CCDC91: variants seen among roughly 807,000 people sequenced by gnomAD.
The protein encoded by CCDC91 is coiled-coil domain containing 91.
A neutral mutation model predicts 63.2 loss-of-function variants in CCDC91; 48 were observed. The observed-to-expected ratio is 0.76, with a 90% CI of 0.60 to 0.97. CCDC91 has a LOEUF of 0.97. Ranked by LOEUF, CCDC91 falls within the 50% of genes least tolerant of loss-of-function variation. The pLI is 0.00. For synonymous variants in CCDC91, 167 were observed against 165.8 expected (o/e 1.01, Z -0.06); for missense variants, 500 against 494.6 (o/e 1.01, Z -0.10).
intron 3 of CCDC91, among the ~76,000 whole-genome samples, chr12:28,286,951 T>A (rs1369862856): frequency 6.6e-6 from 1 of 152,182 alleles, no homozygotes; most frequent in African/African-American, 2.4e-5. Context: ...TGATTTGCAT[T>A]TCTCTAGTGA....
At chr12:28,268,107 A>G (rs1226782127) in intron 3 of CCDC91, among the ~76,000 whole-genome samples, 1 of 150,232 alleles carries the variant, frequency 6.7e-6, no homozygotes, top group East Asian at 1.9e-4. Flanking sequence ...TCTGTTGCCC[A>G]GGCTGCAGTG....
intron 6 of CCDC91, among the ~76,000 whole-genome samples, chr12:28,332,940 C>T (rs1565811317): frequency 6.6e-6 from 1 of 151,854 alleles, no homozygotes; most frequent in Non-Finnish European, 1.5e-5. Context: ...CCATTTTAAA[C>T]AGTGAAATCA....
intron 12 of CCDC91, among the ~76,000 whole-genome samples, chr12:28,486,004 G>C (rs1242058599): frequency 6.6e-6 from 1 of 152,074 alleles, no homozygotes; most frequent in Non-Finnish European, 1.5e-5. Flanking sequence ...CTTAACATGA[G>C]TTCTTCCTCT....
chr12:28,420,930 T>G (rs566849981), intron 8 of CCDC91, among the ~76,000 whole-genome samples: 12 of 152,296 alleles, frequency 7.9e-5, no homozygotes, highest in African/African-American at 2.9e-4. Context: ...GAACTTAGTT[T>G]ATTCATGTAT....
At chr12:28,415,461 C>G (rs1947592150) in intron 8 of CCDC91, among the ~76,000 whole-genome samples, 2 of 151,960 alleles carry the variant, frequency 1.3e-5, no homozygotes, top group African/African-American at 4.8e-5. Context: ...CTCAGGTGAT[C>G]CGCCTGCCTC....
At chr12:28,362,970 C>G (rs1041742637) in intron 7 of CCDC91, among the ~76,000 whole-genome samples, 14 of 151,932 alleles carry the variant, frequency 9.2e-5, no homozygotes, top group African/African-American at 3.4e-4. Flanking sequence ...TACAGTAAAA[C>G]ATTAATATTT....
intron 8 of CCDC91, among the ~76,000 whole-genome samples, chr12:28,436,788 C>G (rs1948932183): frequency 6.6e-6 from 1 of 151,746 alleles, no homozygotes. Flanking sequence ...TACTATGTAT[C>G]TCAGCATAGA....
intron 1 of CCDC91, among the ~76,000 whole-genome samples, chr12:28,232,957 A>G (rs553698324): frequency 1.4e-4 from 21 of 148,748 alleles, no homozygotes; most frequent in African/African-American, 4.5e-4. Context: ...TGGGCAACAG[A>G]GCAAGACTCT....
At chr12:28,438,421 A>T (rs1039098644) in intron 8 of CCDC91, among the ~76,000 whole-genome samples, 2 of 152,154 alleles carry the variant, frequency 1.3e-5, no homozygotes, top group African/African-American at 4.8e-5. Flanking sequence ...TCCTCACCAG[A>T]TACAGAACCT....
At chr12:28,431,093 G>T (rs1250075120) in intron 8 of CCDC91, among the ~76,000 whole-genome samples, 1 of 152,026 alleles carries the variant, frequency 6.6e-6, no homozygotes, top group African/African-American at 2.4e-5. Context: ...TGTGTTCAGA[G>T]AATTATATAT....
intron 1 of CCDC91, among the ~76,000 whole-genome samples, chr12:28,214,200 A>G (rs1943415663): frequency 1.3e-5 from 2 of 152,162 alleles, no homozygotes; most frequent in Non-Finnish European, 1.5e-5. Flanking sequence ...TGGACTCCTC[A>G]TATCTCTGAA....
intron 12 of CCDC91, among the ~76,000 whole-genome samples, chr12:28,535,926 G>A (rs1942127099): frequency 6.6e-6 from 1 of 151,820 alleles, no homozygotes; most frequent in South Asian, 2.1e-4. Flanking sequence ...CTACTCGGGA[G>A]ACTGAGGCAG....
At chr12:28,288,697 A>G (rs1488928657) in intron 3 of CCDC91, among the ~76,000 whole-genome samples, 3 of 152,228 alleles carry the variant, frequency 2.0e-5, no homozygotes, top group Non-Finnish European at 4.4e-5. Context: ...TTGACCTCAT[A>G]GAATGAATTA....
intron 1 of CCDC91, among the ~76,000 whole-genome samples, chr12:28,197,110 A>AT (rs963629099): frequency 5.3e-5 from 8 of 150,658 alleles, no homozygotes; most frequent in African/African-American, 7.3e-5. Flanking sequence ...AAGTATATAC[A>AT]TTTTTTTTTC....
At chr12:28,287,713 A>G (rs867318916) in intron 3 of CCDC91, among the ~76,000 whole-genome samples, 1 of 152,104 alleles carries the variant, frequency 6.6e-6, no homozygotes, top group Non-Finnish European at 1.5e-5. Flanking sequence ...ATGAATTTTC[A>G]AATAGGTTTT....
intron 3 of CCDC91, among the ~76,000 whole-genome samples, chr12:28,272,855 A>T (rs1947879535): frequency 1.3e-5 from 2 of 151,998 alleles, no homozygotes; most frequent in Non-Finnish European, 2.9e-5. Flanking sequence ...TTTTTAAATT[A>T]TACTTTAAGT....
intron 3 of CCDC91, among the ~76,000 whole-genome samples, chr12:28,297,948 A>G (rs1458857026): frequency 6.6e-6 from 1 of 151,770 alleles, no homozygotes; most frequent in Non-Finnish European, 1.5e-5. Flanking sequence ...TACGTGGACA[A>G]TATTTACTAG....
intron 8 of CCDC91, among the ~76,000 whole-genome samples, chr12:28,415,664 T>TTTTGTGTGTGTG (rs1947610755): frequency 2.0e-5 from 3 of 148,404 alleles, no homozygotes; most frequent in Non-Finnish European, 3.0e-5. Flanking sequence ...AGATATATAT[T>TTTTGTGTGTGTG]TGTGTGTGTG....
At chr12:28,388,353 A>G (rs1945733254) in intron 7 of CCDC91, among the ~76,000 whole-genome samples, 1 of 152,186 alleles carries the variant, frequency 6.6e-6, no homozygotes, top group South Asian at 2.1e-4. Flanking sequence ...TTGTATACCT[A>G]GTAAACCCTA....
Sources: allele counts gnomAD v4.1 joint callset (sites outside exome capture counted in the v4.1 genomes callset), GRCh38; gene constraint gnomAD v4.1.1; transcripts MANE v1.5; gene names NCBI Gene and HGNC (gene_info 2026-07-23, HGNC 2026-07-21).